The following RAPGEF4 variants were observed in gnomAD, a reference collection of about 807,000 sequenced individuals.
RAPGEF4 encodes Rap guanine nucleotide exchange factor 4.
A neutral mutation model predicts 147.9 loss-of-function variants in RAPGEF4; 66 were observed. That is an observed-to-expected ratio of 0.45 (90% CI 0.37 to 0.55). RAPGEF4 has a LOEUF of 0.55. Among genes scored for constraint, RAPGEF4 ranks in the 20% least tolerant of loss-of-function variants. The pLI is 0.00. For missense variants in RAPGEF4, 1,071 were observed against 1,257.3 expected (o/e 0.85, Z 2.24); for synonymous variants, 419 against 442.7 (o/e 0.95, Z 0.67).
chr2:172,742,331 C>G (rs1694368402), intron 1 of RAPGEF4, among the ~76,000 whole-genome samples: 1 of 152,172 alleles, frequency 6.6e-6, no homozygotes. Flanking sequence ...CTCTCTTTCT[C>G]TCTTTTTCTT....
intron 16 of RAPGEF4, among the ~76,000 whole-genome samples, chr2:172,998,703 A>G (rs1456885017): frequency 6.6e-6 from 1 of 152,244 alleles, no homozygotes; most frequent in East Asian, 1.9e-4. Flanking sequence ...GAGGATAGCT[A>G]CCAAGAGCCA....
At chr2:173,008,604 A>C (rs1343250079) in intron 17 of RAPGEF4, among the ~76,000 whole-genome samples, 2 of 152,226 alleles carry the variant, frequency 1.3e-5, no homozygotes, top group Non-Finnish European at 2.9e-5. Flanking sequence ...AGTGTTTTAT[A>C]AATAGCTGCA....
chr2:173,042,772 T>C lies in RAPGEF4; in HGVS notation c.2854-5828T>C, dbSNP rs550833372. 5.3e-5 allele frequency among the ~76,000 whole-genome samples: 8 copies of C among 152,358 alleles called. No homozygotes were observed. The South Asian group carries it at 1.5e-3, about 28-fold the overall frequency. ...CCTCCTCCCTGTGGTGCTGTGTCTGTCCTCCAGTGTCCCTCCCTGAGTACA... is the reference window on the plus strand; with the variant it reads ...CCTCCTCCCTGTGGTGCTGTGTCTGCCCTCCAGTGTCCCTCCCTGAGTACA... On this transcript the variant is annotated intron_variant, in intron 29 of 30. Coordinates refer to ENST00000397081, the MANE Select transcript of RAPGEF4 (RefSeq NM_007023.4). The surrounding 1 kb of genome is among the most constrained non-coding windows in gnomAD (Gnocchi z 4.2).
In RAPGEF4 at chr2:172,777,320, A is replaced by G. The variant is rs963308579; in HGVS notation, c.66-17705A>G. Among the ~76,000 whole-genome samples the G allele has an allele frequency of 3.9e-5, 6 of 152,250 alleles. No individual in the cohort carries two copies. In the South Asian group the frequency reaches 1.0e-3, roughly 26 times the overall value. On this transcript the variant is annotated intron_variant, in intron 1 of 30. Transcript: ENST00000397081. Reference sequence around the variant, plus strand: ...CAACAATGTTTATTGGGTATCTACTATAATCCAGACATTGTTCTCGGTACT... The same window carrying G: ...CAACAATGTTTATTGGGTATCTACTGTAATCCAGACATTGTTCTCGGTACT...
Position 172,961,185 on chromosome 2 carries a change from C to G in RAPGEF4, c.655C>G (p.Pro219Ala). 6.2e-7 allele frequency: 1 copy of G among 1,612,774 alleles called. No homozygotes were observed. Among genetic ancestry groups the G allele is most frequent in the Non-Finnish European group, 8.5e-7 (1 of 1,178,760 alleles). The change falls in exon 8 of 31, where the codon CCT (proline) becomes GCT (alanine). Residue 219 changes from proline (P) to alanine (A), a missense_variant. Physicochemically the swap from Pro to Ala is conservative, Grantham distance 27. Coordinates refer to ENST00000397081, the MANE Select transcript of RAPGEF4 (RefSeq NM_007023.4). ...ILRNAILSRA[P>A]HMIRDRKYHL... Reference sequence around the variant, plus strand: ...ACGAAATGCCATTCTCTCTCGAGCACCTCACATGATAAGAGATAGAAAATA... The same window carrying G: ...ACGAAATGCCATTCTCTCTCGAGCAGCTCACATGATAAGAGATAGAAAATA...
chr2:173,035,171 C>CA (rs1683794441), intron 27 of RAPGEF4, among the ~76,000 whole-genome samples: 1 of 151,920 alleles, frequency 6.6e-6, no homozygotes, highest in African/African-American at 2.4e-5. Flanking sequence ...CCCCCGACCT[C>CA]AGCCTTCCAA....
At chr2:172,821,777 T>C (rs1240737147) in intron 4 of RAPGEF4, 1 of 1,229,742 alleles carries the variant, frequency 8.1e-7, no homozygotes, top group East Asian at 3.4e-5. Context: ...TGTTTTCTTA[T>C]TGCCTTAGAC....
intron 4 of RAPGEF4, among the ~76,000 whole-genome samples, chr2:172,877,262 G>A (rs927810665): frequency 1.3e-5 from 2 of 152,102 alleles, no homozygotes; most frequent in Admixed American, 1.3e-4. Flanking sequence ...AACTAACACA[G>A]GAACAGAAAA....
intron 3 of RAPGEF4, 111 bp from the exon 4 acceptor site, chr2:172,814,168 C>A (rs529143057): frequency 3.8e-6 from 4 of 1,043,622 alleles, no homozygotes; most frequent in Non-Finnish European, 5.8e-6. Flanking sequence ...TTGAACTATG[C>A]AATTAAATTG....
intron 6 of RAPGEF4, among the ~76,000 whole-genome samples, chr2:172,958,298 A>G (rs1003172482): frequency 2.0e-5 from 3 of 152,226 alleles, no homozygotes; most frequent in Non-Finnish European, 2.9e-5. Context: ...TTACAATTTG[A>G]TACAGTCAGG....
intron 6 of RAPGEF4, among the ~76,000 whole-genome samples, chr2:172,950,403 G>A (rs573599037): frequency 3.3e-5 from 5 of 152,178 alleles, no homozygotes; most frequent in Admixed American, 6.5e-5. Flanking sequence ...CTGAAATCAC[G>A]CTATTGAGAT....
intron 23 of RAPGEF4, 32 bp downstream of exon 23, chr2:173,020,747 T>G (rs752268653): frequency 6.4e-7 from 1 of 1,553,402 alleles, no homozygotes; most frequent in Non-Finnish European, 8.8e-7. Flanking sequence ...AGAGCAGCAT[T>G]GCAATCAGAA....
At chr2:172,802,658 T>C (rs1236705389) in intron 3 of RAPGEF4, among the ~76,000 whole-genome samples, 1 of 152,212 alleles carries the variant, frequency 6.6e-6, no homozygotes, top group Non-Finnish European at 1.5e-5. Context: ...AATCATGCCT[T>C]CCTAACAGTC....
At chr2:172,912,690 A>G (rs1428133409) in intron 4 of RAPGEF4, among the ~76,000 whole-genome samples, 2 of 152,166 alleles carry the variant, frequency 1.3e-5, no homozygotes, top group African/African-American at 4.8e-5. Flanking sequence ...TCATCTGTGT[A>G]TGCACCTTAA....
chr2:172,905,345 C>T (rs188144250), intron 4 of RAPGEF4, among the ~76,000 whole-genome samples: 2 of 152,310 alleles, frequency 1.3e-5, no homozygotes, highest in East Asian at 3.9e-4. Flanking sequence ...CACCCCCCAG[C>T]AGGCATGCAG....
chr2:172,848,743 G>A (rs545106390), intron 4 of RAPGEF4, among the ~76,000 whole-genome samples: 3 of 152,280 alleles, frequency 2.0e-5, no homozygotes, highest in East Asian at 1.9e-4. Context: ...AATATAGCAT[G>A]TGTGAACAGC....
intron 26 of RAPGEF4, among the ~76,000 whole-genome samples, chr2:173,031,734 A>T (rs896114660): frequency 1.3e-5 from 2 of 152,180 alleles, no homozygotes; most frequent in Non-Finnish European, 2.9e-5. Flanking sequence ...TTCACTAGGG[A>T]TGGGAGTTCT....
intron 2 of RAPGEF4, 91 bp from the exon 3 acceptor site, chr2:172,797,434 A>C: frequency 9.9e-7 from 1 of 1,014,340 alleles, no homozygotes; most frequent in Admixed American, 2.1e-5. Context: ...AGTTAGGTCC[A>C]AGACATGCTT....
In RAPGEF4 at chr2:172,909,739, T is replaced by C. The variant is rs569952557; in HGVS notation, c.445-8063T>C. Among the ~76,000 whole-genome samples the C allele has an allele frequency of 1.0e-3, 159 of 152,318 alleles. 1 individual carries two copies. The highest frequency in any genetic ancestry group is 7.4e-3 in the Admixed American group (114 of 15,308). ...GCTTGGCAATCCCCTTAAGTTTCAT[T>C]TTGATTTTCAGAGAACTTGAAGTGA... On this transcript the variant is annotated intron_variant, in intron 4 of 30. Transcript: ENST00000397081.
Sources: allele counts gnomAD v4.1 joint callset (sites outside exome capture counted in the v4.1 genomes callset), GRCh38; gene constraint gnomAD v4.1.1; non-coding constraint Gnocchi (gnomAD v3.1); transcripts MANE v1.5; gene names NCBI Gene and HGNC (gene_info 2026-07-23, HGNC 2026-07-21).